Variants in RABGEF1 observed in about 807,000 individuals in gnomAD.
The protein encoded by RABGEF1 is RAB guanine nucleotide exchange factor 1.
A neutral mutation model predicts 57.3 loss-of-function variants in RABGEF1; 26 were observed. The observed-to-expected ratio is 0.45, with a 90% CI of 0.33 to 0.63. The LOEUF (loss-of-function observed/expected upper bound fraction) is 0.63. Among genes scored for constraint, RABGEF1 ranks in the 20% least tolerant of loss-of-function variants. The pLI, the probability that RABGEF1 is intolerant of heterozygous loss-of-function variation, is 0.02. For synonymous variants in RABGEF1, 185 were observed against 210.7 expected, an observed-to-expected ratio of 0.88 and a Z score of 1.06; for missense variants, 464 against 607.6, an observed-to-expected ratio of 0.76 and a Z score of 2.48.
chr7:66,722,179 C>T (rs945897614), intron 2 of RABGEF1, among the ~76,000 whole-genome samples: 9 of 151,906 alleles, frequency 5.9e-5, no homozygotes, highest in East Asian at 1.9e-4. Flanking sequence ...CGGTGGCTCA[C>T]GCCTGTAATC....
intron 1 of RABGEF1, among the ~76,000 whole-genome samples, chr7:66,767,448 G>T (rs372779331): frequency 6.6e-6 from 1 of 152,078 alleles, no homozygotes; most frequent in East Asian, 1.9e-4. Context: ...AAACTTTCTC[G>T]TGCTAATCCT....
intron 1 of RABGEF1, among the ~76,000 whole-genome samples, chr7:66,741,439 A>G (rs796534188): frequency 1.8e-4 from 27 of 152,218 alleles, no homozygotes; most frequent in Admixed American, 6.5e-4. Flanking sequence ...GAGCCGAGGG[A>G]TGCCCATCAC....
At chr7:66,728,727 C>T (rs982133832) in intron 2 of RABGEF1, among the ~76,000 whole-genome samples, 1 of 135,494 alleles carries the variant, frequency 7.4e-6, no homozygotes, top group Non-Finnish European at 1.6e-5. Flanking sequence ...TCCTCACCTC[C>T]ACCTTCACCT....
intron 1 of RABGEF1, among the ~76,000 whole-genome samples, chr7:66,701,483 A>G (rs1469951371): frequency 6.9e-6 from 1 of 145,768 alleles, no homozygotes; most frequent in South Asian, 2.2e-4. Context: ...TGGAGGACAG[A>G]GCGAGACTCT....
chr7:66,775,298 C>T lies in RABGEF1; in HGVS notation c.251C>T (p.Ser84Phe), dbSNP rs756399302. The change falls in exon 3 of 9, where the codon TCC (serine) becomes TTC (phenylalanine). Residue 84 changes from serine (S) to phenylalanine (F), a missense_variant. Around this residue, in one of 4 missense-constraint regions of RABGEF1, gnomAD observed 284 missense variants for 389.9 expected, o/e 0.73. Transcript: ENST00000284957. ...SSQGAQSLTF[S>F]KFEEKKTNEK... The stretch of plus-strand genomic sequence containing the variant: ...CAAGGGGCCCAATCCCTCACATTCT[C>T]CAAGTTTGAAGAAAAGAAAACCAAC... 8 of 1,613,800 alleles carry T rather than the reference C, an allele frequency of 5.0e-6. No homozygotes were observed. The African/African-American group carries it at 5.3e-5, about 11-fold the overall frequency.
chr7:66,731,678 C>A (rs745599936), intron 2 of RABGEF1, among the ~76,000 whole-genome samples: 5 of 152,208 alleles, frequency 3.3e-5, no homozygotes, highest in African/African-American at 7.2e-5. Flanking sequence ...GATTGTGCCA[C>A]TGCACTCCAG....
chr7:66,758,104 T>G (rs1803240779), intron 1 of RABGEF1, among the ~76,000 whole-genome samples: 1 of 152,314 alleles, frequency 6.6e-6, no homozygotes, highest in South Asian at 2.1e-4. Context: ...CCAGATGAGT[T>G]GCCTGGAGAG....
At chr7:66,700,629 GC>G (rs1157584207) in intron 1 of RABGEF1, among the ~76,000 whole-genome samples, 2 of 152,186 alleles carry the variant, frequency 1.3e-5, no homozygotes, top group African/African-American at 2.4e-5. Flanking sequence ...AGGGGTTCGT[GC>G]GTAGCAGGGG....
intron 1 of RABGEF1, among the ~76,000 whole-genome samples, chr7:66,700,136 C>T (rs1793007173): frequency 1.3e-5 from 2 of 152,178 alleles, no homozygotes; most frequent in Non-Finnish European, 1.5e-5. Flanking sequence ...AAGGGAGGGA[C>T]GGAGGCCCAG....
intron 1 of RABGEF1, among the ~76,000 whole-genome samples, chr7:66,760,013 A>G (rs1022162045): frequency 1.3e-5 from 2 of 150,670 alleles, no homozygotes; most frequent in Non-Finnish European, 2.9e-5. Flanking sequence ...GTAACCATAC[A>G]AAACACCCTT....
At chr7:66,736,354 A>C (rs536305596), upstream of RABGEF1, among the ~76,000 whole-genome samples, 1 of 152,350 alleles carries the variant, frequency 6.6e-6, no homozygotes, top group East Asian at 1.9e-4. Context: ...TATGAGGTAG[A>C]GGTGGTGATG....
intron 1 of RABGEF1, among the ~76,000 whole-genome samples, chr7:66,702,533 A>G (rs1049359283): frequency 2.6e-5 from 4 of 152,076 alleles, no homozygotes; most frequent in Admixed American, 6.6e-5. Context: ...GGGCAATTCT[A>G]TGCTTTTTGA....
chr7:66,730,104 C>T (rs1370307632), intron 2 of RABGEF1, among the ~76,000 whole-genome samples: 2 of 152,226 alleles, frequency 1.3e-5, no homozygotes, highest in Non-Finnish European at 2.9e-5. Context: ...TTCAGGCCTC[C>T]CTTTCTCATC....
At chr7:66,726,919 G>A (rs1796647477) in intron 2 of RABGEF1, among the ~76,000 whole-genome samples, 2 of 152,100 alleles carry the variant, frequency 1.3e-5, no homozygotes, top group African/African-American at 2.4e-5. Flanking sequence ...CAGGAGAATC[G>A]CCTGAACCCA....
At chr7:66,669,520 A>C in the RABGEF1 span, among the ~76,000 whole-genome samples, 1 of 152,164 alleles carries the variant, frequency 6.6e-6, no homozygotes. Context: ...TGGCTTGTGG[A>C]TTTCATAATC....
At chr7:66,709,566 A>T (rs1794539738) in intron 1 of RABGEF1, among the ~76,000 whole-genome samples, 1 of 152,132 alleles carries the variant, frequency 6.6e-6, no homozygotes. Context: ...AGGTGGGCAG[A>T]TCAGGAGTTC....
upstream of RABGEF1, among the ~76,000 whole-genome samples, chr7:66,739,480 CCT>C (rs1281825467): frequency 6.6e-6 from 1 of 150,554 alleles, no homozygotes; most frequent in Non-Finnish European, 1.5e-5. Flanking sequence ...ATGGTGAAAC[CCT>C]GTCTCGACTA....
At chr7:66,763,142 C>T (rs1477005718) in intron 1 of RABGEF1, among the ~76,000 whole-genome samples, 5 of 152,196 alleles carry the variant, frequency 3.3e-5, no homozygotes, top group East Asian at 1.9e-4. Flanking sequence ...GGAATACAGG[C>T]GTGAGCCATT....
intron 6 of RABGEF1, 65 bp from the exon 7 acceptor site, chr7:66,799,258 A>T (rs912910786): frequency 1.4e-4 from 187 of 1,323,006 alleles, no homozygotes; most frequent in Non-Finnish European, 2.0e-4. Context: ...AAACTGAAGG[A>T]GGTGACAAGA....
Sources: gnomAD v4.1 joint callset for allele counts (sites outside exome capture counted in the v4.1 genomes callset) on GRCh38, gnomAD v4.1.1 for gene constraint, gnomAD v4.1.1 regional missense constraint, MANE v1.5 for transcripts, NCBI Gene and HGNC (gene_info 2026-07-23, HGNC 2026-07-21) for gene names.